The following APP variants were observed in gnomAD, a reference collection of about 807,000 sequenced individuals.
The protein encoded by APP is amyloid beta precursor protein.
APP carries 31 observed loss-of-function variants against 101.4 expected under a neutral mutation model. The observed-to-expected ratio is 0.31, with a 90% CI of 0.23 to 0.41. APP has a LOEUF of 0.41. APP is among the 10% of genes least tolerant of loss of function. APP has a pLI of 1.00. For missense variants in APP, 839 were observed against 1,003.7 expected (o/e 0.84, Z 2.22); for synonymous variants, 366 against 364.4 (o/e 1.00, Z -0.05).
intron 3 of APP, among the ~76,000 whole-genome samples, chr21:26,077,551 C>T (rs560765587): frequency 6.6e-6 from 1 of 152,228 alleles, no homozygotes; most frequent in East Asian, 1.9e-4. Context: ...CTTTCCCAAA[C>T]GCTCCAGTAG....
intron 9 of APP, among the ~76,000 whole-genome samples, chr21:25,979,744 T>C (rs933400669): frequency 2.0e-5 from 3 of 151,806 alleles, no homozygotes; most frequent in African/African-American, 7.3e-5. Context: ...TGAAATAAGT[T>C]TTCTTAATAA....
intron 5 of APP, among the ~76,000 whole-genome samples, chr21:26,032,093 C>T (rs1234672604): frequency 6.6e-6 from 1 of 152,160 alleles, no homozygotes; most frequent in Non-Finnish European, 1.5e-5. Context: ...CTTGGGTTAG[C>T]CACAACATTT....
At chr21:25,927,113 G>A (rs752063904) in intron 13 of APP, among the ~76,000 whole-genome samples, 17 of 151,034 alleles carry the variant, frequency 1.1e-4, no homozygotes, top group Non-Finnish European at 2.1e-4. Context: ...GAATGAATTC[G>A]ACGGTATCTT....
chr21:26,081,032 AAT>A (rs763014882), intron 3 of APP, among the ~76,000 whole-genome samples: 10 of 152,214 alleles, frequency 6.6e-5, no homozygotes, highest in Admixed American at 6.5e-5. Context: ...GTATCTTTTT[AAT>A]AGATTATATG....
chr21:26,077,027 C>A (rs1313935472), intron 3 of APP, among the ~76,000 whole-genome samples: 4 of 148,230 alleles, frequency 2.7e-5, no homozygotes, highest in Non-Finnish European at 4.4e-5. Context: ...TGCGCCACTG[C>A]GCTCCAGCCT....
chr21:25,909,238 G>A (rs1008930362), intron 14 of APP, among the ~76,000 whole-genome samples: 1 of 140,404 alleles, frequency 7.1e-6, no homozygotes, highest in African/African-American at 2.8e-5. Flanking sequence ...ACTCCAGCCA[G>A]CCTGGGCGAC....
At chr21:26,065,730 A>T (rs1171416110) in intron 3 of APP, among the ~76,000 whole-genome samples, 1 of 152,234 alleles carries the variant, frequency 6.6e-6, no homozygotes, top group Non-Finnish European at 1.5e-5. Context: ...TTCCTCATTA[A>T]CCAACCCAAG....
intron 3 of APP, among the ~76,000 whole-genome samples, chr21:26,074,146 G>A (rs2061458283): frequency 6.6e-6 from 1 of 152,046 alleles, no homozygotes; most frequent in Admixed American, 6.6e-5. Context: ...AAAAGATTTG[G>A]GGGAACTGAA....
At chr21:25,884,233 C>G (rs1264697845) in intron 17 of APP, among the ~76,000 whole-genome samples, 1 of 152,176 alleles carries the variant, frequency 6.6e-6, no homozygotes, top group Non-Finnish European at 1.5e-5. Flanking sequence ...CTGTGAATCC[C>G]TCCCATCTAC....
intron 11 of APP, among the ~76,000 whole-genome samples, chr21:25,962,290 A>C (rs2041614335): frequency 6.6e-6 from 1 of 152,230 alleles, no homozygotes; most frequent in South Asian, 2.1e-4. Flanking sequence ...CTTAGACATC[A>C]TTTACAGCAA....
At chr21:26,103,153 G>C (rs1019731473) in intron 2 of APP, among the ~76,000 whole-genome samples, 2 of 152,156 alleles carry the variant, frequency 1.3e-5, no homozygotes, top group Non-Finnish European at 2.9e-5. Context: ...AGCATACTTT[G>C]TAATATTACA....
chr21:26,006,204 G>A (rs973258270), intron 6 of APP, among the ~76,000 whole-genome samples: 3 of 152,098 alleles, frequency 2.0e-5, no homozygotes, highest in African/African-American at 4.8e-5. Flanking sequence ...TAGAAACATA[G>A]GCAAAGACTT....
At chr21:25,945,926 C>G in intron 13 of APP, 1 of 455,582 alleles carries the variant, frequency 2.2e-6, no homozygotes, top group South Asian at 1.6e-5. Flanking sequence ...AAGTCATCTG[C>G]CCACCTTGGC....
At chr21:26,155,094 T>TA (rs1406190897) in intron 1 of APP, among the ~76,000 whole-genome samples, 1 of 151,810 alleles carries the variant, frequency 6.6e-6, no homozygotes, top group Non-Finnish European at 1.5e-5. Context: ...CTACCAAAAA[T>TA]AAAAAAATTA....
chr21:26,110,892 G>C (rs575814806), intron 2 of APP, among the ~76,000 whole-genome samples: 12 of 152,112 alleles, frequency 7.9e-5, no homozygotes, highest in Admixed American at 2.6e-4. Context: ...TACTTCTAAT[G>C]TTCTTAAGAT....
At chr21:26,137,053 A>ACCTCCACCTCCG (rs1555882398) in intron 1 of APP, among the ~76,000 whole-genome samples, 1 of 149,554 alleles carries the variant, frequency 6.7e-6, no homozygotes, top group Non-Finnish European at 1.5e-5. Context: ...TCCCGCCTCC[A>ACCTCCACCTCCG]CCTCCGCCTC....
chr21:25,890,372 T>C (rs2037609971), intron 17 of APP, among the ~76,000 whole-genome samples: 1 of 152,226 alleles, frequency 6.6e-6, no homozygotes, highest in Non-Finnish European at 1.5e-5. Flanking sequence ...TAATCAAGAA[T>C]GGTTTAGAGC....
At chr21:25,948,448 A>T (rs1283755490) in intron 13 of APP, among the ~76,000 whole-genome samples, 1 of 152,028 alleles carries the variant, frequency 6.6e-6, no homozygotes, top group Non-Finnish European at 1.5e-5. Flanking sequence ...TCCTTTCATT[A>T]TTGCGAATTT....
intron 5 of APP, among the ~76,000 whole-genome samples, chr21:26,042,373 G>A (rs1487683746): frequency 1.3e-5 from 2 of 152,202 alleles, no homozygotes; most frequent in Admixed American, 1.3e-4. Context: ...CTAAGTGGAA[G>A]ACGGCATGTG....
Sources: gnomAD v4.1 joint callset for allele counts (sites outside exome capture counted in the v4.1 genomes callset) on GRCh38, gnomAD v4.1.1 for gene constraint, MANE v1.5 for transcripts, NCBI Gene and HGNC (gene_info 2026-07-23, HGNC 2026-07-21) for gene names.